Variants in LDLRAD4 observed in about 807,000 individuals in gnomAD.
LDLRAD4 encodes the protein low-density lipoprotein receptor class A domain-containing protein 4.
LDLRAD4 carries 5 observed loss-of-function variants against 17.0 expected under a neutral mutation model. That is an observed-to-expected ratio of 0.29 (90% CI 0.15 to 0.62). The LOEUF (loss-of-function observed/expected upper bound fraction) is 0.62, where lower values mean the gene tolerates loss of function less well. Among genes scored for constraint, LDLRAD4 ranks in the 20% least tolerant of loss-of-function variants. LDLRAD4 has a pLI of 0.84. For synonymous variants in LDLRAD4, 168 were observed against 171.8 expected (o/e 0.98, Z 0.17); for missense variants, 340 against 424.7 (o/e 0.80, Z 1.75).
In LDLRAD4 at chr18:13,386,099, T is replaced by C. The variant is rs2085776036; in HGVS notation, c.-382-1242T>C. 2.0e-5 allele frequency among the ~76,000 whole-genome samples: 3 copies of C among 152,362 alleles called. No homozygotes were observed. In the South Asian group the frequency reaches 6.2e-4, roughly 32 times the overall value. On this transcript the variant is annotated intron_variant, in intron 1 of 5. Transcript: ENST00000359446. Reference sequence around the variant, plus strand: ...TGATTAACAGAGGGCTCCTTTCTGTTCTGTGCTCTGTTCTCTTAAGTTCTT... The same window carrying C: ...TGATTAACAGAGGGCTCCTTTCTGTCCTGTGCTCTGTTCTCTTAAGTTCTT...
chr18:13,646,065 A>G (rs551977962), exon 6 of LDLRAD4: 1 of 157,472 alleles, frequency 6.4e-6, no homozygotes, highest in East Asian at 1.9e-4. Context: ...GCATTATTAT[A>G]TATTATTGTG....
intron 2 of LDLRAD4, among the ~76,000 whole-genome samples, chr18:13,401,917 C>T (rs766517241): frequency 6.6e-6 from 1 of 152,166 alleles, no homozygotes; most frequent in Non-Finnish European, 1.5e-5. Context: ...GTTACTCTCA[C>T]GCTTCCCTGA....
At chr18:13,330,229 T>C (rs1002378390) in intron 1 of LDLRAD4, among the ~76,000 whole-genome samples, 3 of 152,238 alleles carry the variant, frequency 2.0e-5, no homozygotes, top group African/African-American at 7.2e-5. Flanking sequence ...AAAGTGCTGC[T>C]GGGATTACAG....
At chr18:13,252,945 G>A (rs1389423016) in intron 1 of LDLRAD4, among the ~76,000 whole-genome samples, 1 of 152,214 alleles carries the variant, frequency 6.6e-6, no homozygotes, top group African/African-American at 2.4e-5. Context: ...ACCACTAGCT[G>A]TACCACGAGG....
At chr18:13,437,033 C>G (rs1200262641) in intron 2 of LDLRAD4, among the ~76,000 whole-genome samples, 1 of 152,224 alleles carries the variant, frequency 6.6e-6, no homozygotes, top group Non-Finnish European at 1.5e-5. Flanking sequence ...CAGTTCGCCG[C>G]TGAGAGGCAG....
chr18:13,635,848 A>G (rs1245715938), intron 4 of LDLRAD4, among the ~76,000 whole-genome samples: 2 of 152,170 alleles, frequency 1.3e-5, no homozygotes, highest in East Asian at 3.9e-4. Context: ...CCTTGGGGGC[A>G]ACTTCCAGGG....
At chr18:13,408,311 C>A (rs999742869) in intron 2 of LDLRAD4, among the ~76,000 whole-genome samples, 1 of 147,182 alleles carries the variant, frequency 6.8e-6, no homozygotes, top group African/African-American at 2.5e-5. Context: ...AAGTTTGAGG[C>A]TGCAGTGACC....
At chr18:13,548,589 G>A (rs140119372) in intron 3 of LDLRAD4, among the ~76,000 whole-genome samples, 229 of 152,362 alleles carry the variant, frequency 1.5e-3, no homozygotes, top group African/African-American at 5.3e-3. Flanking sequence ...TGCTGGGAGT[G>A]GGGAGAGGCC....
At chr18:13,303,842 C>T (rs368898199) in intron 1 of LDLRAD4, among the ~76,000 whole-genome samples, 1 of 152,168 alleles carries the variant, frequency 6.6e-6, no homozygotes, top group Non-Finnish European at 1.5e-5. Context: ...GCACCAGGTT[C>T]TCCTAGTAAG....
chr18:13,546,787 G>A (rs923253026), intron 3 of LDLRAD4, among the ~76,000 whole-genome samples: 1 of 152,176 alleles, frequency 6.6e-6, no homozygotes, highest in Non-Finnish European at 1.5e-5. Context: ...GGTGATCTCT[G>A]AGGATTCTGT....
intron 1 of LDLRAD4, among the ~76,000 whole-genome samples, chr18:13,221,533 C>T (rs188114084): frequency 2.3e-4 from 35 of 152,292 alleles, no homozygotes; most frequent in African/African-American, 8.2e-4. Flanking sequence ...GGCCACAAGA[C>T]CTGCCACTTT....
At chr18:13,227,169 C>T (rs2041854309) in intron 1 of LDLRAD4, among the ~76,000 whole-genome samples, 1 of 152,232 alleles carries the variant, frequency 6.6e-6, no homozygotes, top group African/African-American at 2.4e-5. Flanking sequence ...TTCTGCTTTC[C>T]TCCAAGGCAT....
intron 2 of LDLRAD4, among the ~76,000 whole-genome samples, chr18:13,410,770 G>C (rs542563905): frequency 2.6e-4 from 39 of 152,294 alleles, no homozygotes; most frequent in Admixed American, 2.4e-3. Context: ...TTATTTCTTG[G>C]GAAACTGAAA....
intron 3 of LDLRAD4, chr18:13,460,921 T>G (rs2092394903): frequency 6.6e-6 from 1 of 152,268 alleles, no homozygotes; most frequent in Admixed American, 6.5e-5. Context: ...TAGGCAGCTC[T>G]GCCTGGAACT....
Position 13,537,919 on chromosome 18 carries a change from T to C in LDLRAD4, c.182-83198T>C, listed in dbSNP as rs530274306. Reference sequence around the variant, plus strand: ...TATTCATTATCATAATTTATATCTTTCAAGAAATTTGTCCATTTTCATCTA... The same window carrying C: ...TATTCATTATCATAATTTATATCTTCCAAGAAATTTGTCCATTTTCATCTA... On this transcript the variant is annotated intron_variant, in intron 3 of 5. Transcript: ENST00000359446. Among the ~76,000 whole-genome samples, 9 of 152,332 alleles carry C rather than the reference T, an allele frequency of 5.9e-5. No individual in the cohort carries two copies. The South Asian group carries it at 1.9e-3, about 32-fold the overall frequency.
intron 2 of LDLRAD4, among the ~76,000 whole-genome samples, chr18:13,392,520 G>A (rs1178270657): frequency 6.6e-6 from 1 of 152,180 alleles, no homozygotes; most frequent in Non-Finnish European, 1.5e-5. Context: ...GGACCCTTCC[G>A]GGCTGGGTCC....
intron 3 of LDLRAD4, among the ~76,000 whole-genome samples, chr18:13,454,230 T>A (rs2092001802): frequency 6.6e-6 from 1 of 152,252 alleles, no homozygotes; most frequent in Non-Finnish European, 1.5e-5. Flanking sequence ...AGTCGTTTGA[T>A]GAAAATAAAT....
At chr18:13,620,803 A>G (rs1405000015) in intron 3 of LDLRAD4, 15 of 382,768 alleles carry the variant, frequency 3.9e-5, no homozygotes. Flanking sequence ...ACTCAACCAT[A>G]AAGACGGGTT....
At chr18:13,308,770 G>C (rs528560446) in intron 1 of LDLRAD4, among the ~76,000 whole-genome samples, 1 of 152,262 alleles carries the variant, frequency 6.6e-6, no homozygotes, top group Non-Finnish European at 1.5e-5. Flanking sequence ...TCCCTAATGC[G>C]TGATAACGCA....
Sources: gnomAD v4.1 joint callset for allele counts (sites outside exome capture counted in the v4.1 genomes callset) on GRCh38, gnomAD v4.1.1 for gene constraint, MANE v1.5 for transcripts, NCBI Gene and HGNC (gene_info 2026-07-23, HGNC 2026-07-21) for gene names.